The following FCN2 variants were observed in gnomAD, a reference collection of about 807,000 sequenced individuals.
FCN2 encodes the protein ficolin-2.
Under a neutral mutation model 32.5 loss-of-function variants are expected in FCN2, and 31 were observed. The observed-to-expected ratio is 0.96, with a 90% CI of 0.72 to 1.29. The LOEUF (loss-of-function observed/expected upper bound fraction) is 1.29, where lower values mean the gene tolerates loss of function less well. FCN2 is among the 50% of genes most tolerant of loss of function. The probability of loss-of-function intolerance (pLI) is 0.00; values close to 1 mark genes in which losing one functional copy is unlikely to be tolerated. For synonymous variants in FCN2, 181 were observed against 164.5 expected (o/e 1.10, Z -0.77); for missense variants, 412 against 406.5 (o/e 1.01, Z -0.12).
At chr9:134,884,847 A>G in intron 4 of FCN2, 75 bp downstream of exon 4, 1 of 1,328,020 alleles carries the variant, frequency 7.5e-7, no homozygotes, top group South Asian at 1.2e-5. Context: ...ATACGACGCC[A>G]TTGCCAGAAT....
At chr9:134,882,746 C>A (rs1014729575) in intron 2 of FCN2, 107 bp downstream of exon 2, 2 of 753,306 alleles carry the variant, frequency 2.7e-6, no homozygotes, top group Admixed American at 2.5e-5. Context: ...CTGGGTCAGG[C>A]CCCTGCAAGA....
At chr9:134,881,870 A>G (rs1004116551) in intron 1 of FCN2, among the ~76,000 whole-genome samples, 1 of 152,190 alleles carries the variant, frequency 6.6e-6, no homozygotes, top group East Asian at 1.9e-4. Context: ...TTTTTGTAAC[A>G]CACTCACTTG....
At chr9:134,879,018 A>G (rs1034153604), upstream of FCN2, among the ~76,000 whole-genome samples, 2 of 152,236 alleles carry the variant, frequency 1.3e-5, no homozygotes, top group Non-Finnish European at 2.9e-5. Context: ...GCATTTATAC[A>G]TTTAATAGAA....
At chr9:134,878,448 G>A (rs1830622396), upstream of FCN2, among the ~76,000 whole-genome samples, 1 of 152,144 alleles carries the variant, frequency 6.6e-6, no homozygotes, top group African/African-American at 2.4e-5. Context: ...TGGTTTTTGT[G>A]TGTTATCATC....
the FCN2 span, among the ~76,000 whole-genome samples, chr9:134,866,569 A>G: frequency 1.3e-5 from 2 of 150,468 alleles, no homozygotes; most frequent in Non-Finnish European, 3.0e-5. Flanking sequence ...CATTCAGGAC[A>G]TAGGCATGGG....
Position 134,885,854 on chromosome 9 carries a change from G to T in FCN2, c.516G>T (p.Glu172Asp). 6.2e-7 allele frequency: 1 copy of T among 1,613,886 alleles called. No homozygotes were observed. The highest frequency in any genetic ancestry group is 8.5e-7 in the Non-Finnish European group (1 of 1,179,912). The change falls in exon 6 of 8, where the codon GAG (glutamate) becomes GAT (aspartate). Residue 172 changes from glutamate to aspartate, a missense_variant. Physicochemically the swap from Glu to Asp is conservative, Grantham distance 45 (BLOSUM62 2). Transcript: ENST00000291744. Reference protein sequence around the residue: ...YKQGFGSRLGEFWLGNDNIHA... With the variant: ...YKQGFGSRLGDFWLGNDNIHA... ...AGGGCTTCGGCAGTCGGCTGGGGGA[G>T]TTCTGGCTGGGGAATGACAACATCC...
At chr9:134,880,172 G>A (rs1830643070), upstream of FCN2, among the ~76,000 whole-genome samples, 1 of 152,102 alleles carries the variant, frequency 6.6e-6, no homozygotes, top group Non-Finnish European at 1.5e-5. Flanking sequence ...GTGTACCTGG[G>A]TCATAGTCCC....
At chr9:134,881,060 C>A (rs528458930) in intron 1 of FCN2, 139 bp downstream of exon 1, 4 of 708,800 alleles carry the variant, frequency 5.6e-6, no homozygotes, top group Middle Eastern at 7.4e-4. Flanking sequence ...GCTCTGCATG[C>A]CTCATCTTAT....
At chr9:134,870,800 C>T in the FCN2 span, among the ~76,000 whole-genome samples, 91 of 151,884 alleles carry the variant, frequency 6.0e-4, no homozygotes, top group Middle Eastern at 3.4e-3. This position sits in a 1 kb window ranked among gnomAD's most constrained non-coding sequence, Gnocchi z 4.3. Flanking sequence ...GGTTTTAGGA[C>T]GAAGGTGGGG....
chr9:134,880,592 T>C (rs1183963050), upstream of FCN2, among the ~76,000 whole-genome samples: 2 of 152,072 alleles, frequency 1.3e-5, no homozygotes, highest in Admixed American at 1.3e-4. Context: ...GTCAGCCTGT[T>C]CCCTGGAAGG....
the FCN2 span, among the ~76,000 whole-genome samples, chr9:134,874,638 A>G: frequency 0.85 from 129,323 of 152,200 alleles, 55,306 homozygotes; most frequent in East Asian, 0.98. Context: ...TTGAAATTAG[A>G]TAGTATTGAC....
chr9:134,883,375 G>T lies in FCN2; in HGVS notation c.268+20G>T, dbSNP rs1830694835. On this transcript the variant is annotated intron_variant, in intron 3 of 7. Coordinates refer to ENST00000291744, the MANE Select transcript of FCN2 (RefSeq NM_004108.3). ...CCAACGGTAAGGAGGGGACAAGAGT[G>T]AGAAGCGGCTTCAAGGCCCTTCCAG... 1 of 1,610,722 alleles carries T rather than the reference G, an allele frequency of 6.2e-7. No individual in the cohort carries two copies. The highest frequency in any genetic ancestry group is 1.3e-5 in the African/African-American group (1 of 74,802).
the FCN2 span, among the ~76,000 whole-genome samples, chr9:134,865,287 GC>G: frequency 1.3e-5 from 2 of 152,180 alleles, no homozygotes; most frequent in Admixed American, 6.5e-5. Context: ...GGAGGCTCTG[GC>G]CCCCCTGCAT....
the FCN2 span, among the ~76,000 whole-genome samples, chr9:134,874,786 A>T: frequency 6.6e-6 from 1 of 152,224 alleles, no homozygotes; most frequent in Non-Finnish European, 1.5e-5. Context: ...TCTGCAGATC[A>T]ATTTGGGGAG....
At chr9:134,883,754 C>A (rs1830702111) in intron 3 of FCN2, among the ~76,000 whole-genome samples, 1 of 115,434 alleles carries the variant, frequency 8.7e-6, no homozygotes, top group African/African-American at 3.4e-5. Flanking sequence ...GTGTTATCAG[C>A]AGGGAGGGAG....
rs11445130 is a variant in FCN2, at chr9:134,883,979, T to TGG, written c.268+631_268+632dup. 2.5e-4 allele frequency among the ~76,000 whole-genome samples: 28 copies of TGG among 112,004 alleles called. No homozygotes were observed. The East Asian group carries it at 2.7e-3, about 11-fold the overall frequency. The allele number at this position is 112,004 out of a possible 152,430, so 73.5% of individuals were successfully genotyped here. ...TAATGTGGAAGTGGTCTTGAGAGGGTGGGGGGGGATTGTCTGCCCACCTCT... is the reference window on the plus strand; with the variant it reads ...TAATGTGGAAGTGGTCTTGAGAGGGTGGGGGGGGGGATTGTCTGCCCACCTCT... On this transcript the variant is annotated intron_variant, in intron 3 of 7. Transcript: ENST00000291744.
chr9:134,886,327 C>A, intron 6 of FCN2, 103 bp from the exon 7 acceptor site: 1 of 1,379,824 alleles, frequency 7.2e-7, no homozygotes, highest in Non-Finnish European at 1.0e-6. Flanking sequence ...CCTCTGCCTC[C>A]ATGGAGTCCA....
intron 4 of FCN2, 100 bp downstream of exon 4, chr9:134,884,872 G>A (rs1288608120): frequency 2.7e-6 from 3 of 1,095,822 alleles, no homozygotes; most frequent in Middle Eastern, 2.0e-4. Context: ...TGACAAATAT[G>A]AACAGAAGAA....
At chr9:134,865,751 C>T in the FCN2 span, among the ~76,000 whole-genome samples, 1 of 152,088 alleles carries the variant, frequency 6.6e-6, no homozygotes, top group Non-Finnish European at 1.5e-5. Flanking sequence ...TCATAATCAA[C>T]AAAATGAAAA....
Sources: gnomAD v4.1 joint callset for allele counts (sites outside exome capture counted in the v4.1 genomes callset) on GRCh38, gnomAD v4.1.1 for gene constraint, Gnocchi (gnomAD v3.1) non-coding constraint, MANE v1.5 for transcripts, NCBI Gene and HGNC (gene_info 2026-07-23, HGNC 2026-07-21) for gene names.